The following TMEM62 variants were observed in gnomAD, a reference collection of about 807,000 sequenced individuals.
The protein encoded by TMEM62 is transmembrane protein 62.
TMEM62 carries 41 observed loss-of-function variants against 70.4 expected under a neutral mutation model. The observed-to-expected ratio is 0.58, with a 90% confidence interval of 0.45 to 0.76. TMEM62 has a LOEUF of 0.76. TMEM62 is among the 30% of genes least tolerant of loss of function. The pLI, the probability that TMEM62 is intolerant of heterozygous loss-of-function variation, is 0.00. For synonymous variants in TMEM62, 268 were observed against 291.0 expected, an observed-to-expected ratio of 0.92 and a Z score of 0.80; for missense variants, 688 against 788.5, an observed-to-expected ratio of 0.87 and a Z score of 1.53.
At chr15:43,171,624 T>TGTG (rs1472677715) in intron 11 of TMEM62, among the ~76,000 whole-genome samples, 8 of 147,110 alleles carry the variant, frequency 5.4e-5, no homozygotes, top group African/African-American at 1.8e-4. Context: ...CTTTTTTTTT[T>TGTG]TTTTTTTTTT....
chr15:43,148,259 C>T (rs2036917808), intron 5 of TMEM62, among the ~76,000 whole-genome samples: 1 of 152,144 alleles, frequency 6.6e-6, no homozygotes, highest in African/African-American at 2.4e-5. Flanking sequence ...TTCTGAGATC[C>T]ATCCGTATGA....
chr15:43,154,358 C>A (rs2037785857), intron 8 of TMEM62, among the ~76,000 whole-genome samples: 1 of 152,160 alleles, frequency 6.6e-6, no homozygotes, highest in African/African-American at 2.4e-5. Context: ...AGAGAAAAAT[C>A]AGTACTTCTG....
chr15:43,164,254 A>C (rs1371771014), intron 10 of TMEM62, among the ~76,000 whole-genome samples: 1 of 152,198 alleles, frequency 6.6e-6, no homozygotes, highest in Non-Finnish European at 1.5e-5. Flanking sequence ...TCTTAAAAAG[A>C]AAAGACTTAA....
chr15:43,162,472 C>G (rs1477011998), intron 10 of TMEM62, among the ~76,000 whole-genome samples: 1 of 147,320 alleles, frequency 6.8e-6, no homozygotes, highest in Admixed American at 6.7e-5. Context: ...CGCTCTGTCT[C>G]CCAGGCTGGA....
intron 10 of TMEM62, among the ~76,000 whole-genome samples, chr15:43,165,530 G>C (rs978891372): frequency 3.9e-5 from 6 of 152,188 alleles, no homozygotes; most frequent in Non-Finnish European, 7.4e-5. Flanking sequence ...TCGGGAGATA[G>C]AGAACATCCT....
chr15:43,155,755 T>C (rs2037975852), intron 9 of TMEM62, among the ~76,000 whole-genome samples: 2 of 152,184 alleles, frequency 1.3e-5, no homozygotes, highest in African/African-American at 4.8e-5. Flanking sequence ...ATGTATTATG[T>C]ATCCATGTCT....
chr15:43,143,481 A>G (rs2036309276), intron 4 of TMEM62, among the ~76,000 whole-genome samples: 1 of 152,228 alleles, frequency 6.6e-6, no homozygotes, highest in African/African-American at 2.4e-5. Context: ...CATGCAGTTT[A>G]ATGCTTTGTT....
At chr15:43,164,851 A>T (rs1371339673) in intron 10 of TMEM62, among the ~76,000 whole-genome samples, 1 of 152,122 alleles carries the variant, frequency 6.6e-6, no homozygotes, top group Non-Finnish European at 1.5e-5. Flanking sequence ...ATATTCTAAG[A>T]TAAAATTATT....
intron 12 of TMEM62, among the ~76,000 whole-genome samples, chr15:43,179,283 A>G (rs2041109019): frequency 6.6e-6 from 1 of 152,204 alleles, no homozygotes; most frequent in Non-Finnish European, 1.5e-5. Flanking sequence ...TTTGCTTAGT[A>G]TGTAGTTCAT....
chr15:43,141,273 C>CTGA (rs1220890958), intron 4 of TMEM62, among the ~76,000 whole-genome samples: 1 of 152,204 alleles, frequency 6.6e-6, no homozygotes, highest in African/African-American at 2.4e-5. Flanking sequence ...TGCTCCATAG[C>CTGA]TGATGACTTT....
intron 7 of TMEM62, among the ~76,000 whole-genome samples, chr15:43,150,595 A>T (rs543497686): frequency 2.6e-5 from 4 of 152,256 alleles, no homozygotes; most frequent in Admixed American, 6.5e-5. Flanking sequence ...AAATCCAGAA[A>T]TATCAGTGGC....
At chr15:43,158,588 T>C (rs2038311504) in intron 9 of TMEM62, among the ~76,000 whole-genome samples, 1 of 152,264 alleles carries the variant, frequency 6.6e-6, no homozygotes, top group Non-Finnish European at 1.5e-5. Context: ...CAGCCATTGA[T>C]GATACTTACC....
chr15:43,148,712 C>G, intron 5 of TMEM62, 43 bp from the exon 6 acceptor site: 1 of 1,601,270 alleles, frequency 6.2e-7, no homozygotes, highest in Non-Finnish European at 8.5e-7. Context: ...AGATTTTAGC[C>G]TGAGCCCTAA....
intron 12 of TMEM62, among the ~76,000 whole-genome samples, chr15:43,179,240 G>GTA (rs908197987): frequency 3.3e-5 from 5 of 152,036 alleles, no homozygotes; most frequent in African/African-American, 1.2e-4. Flanking sequence ...TAAAAAAAAA[G>GTA]TATATATATC....
At chr15:43,139,823 G>A (rs1002511142) in intron 4 of TMEM62, among the ~76,000 whole-genome samples, 1 of 152,234 alleles carries the variant, frequency 6.6e-6, no homozygotes, top group African/African-American at 2.4e-5. Flanking sequence ...AAGGAAAGAA[G>A]TTAACTCCAT....
Position 43,178,674 on chromosome 15 carries a change from C to G in TMEM62, c.1449C>G (p.Tyr483Ter), listed in dbSNP as rs1251808460. 1.9e-6 allele frequency: 3 copies of G among 1,612,752 alleles called. No homozygotes were observed. The highest frequency in any genetic ancestry group is 2.5e-6 in the Non-Finnish European group (3 of 1,179,020). The part of the protein sequence containing the change: ...LHVLSKINIF[Y>*]YSVLLLTLYT... ...TCTTGAGCAAAATAAACATCTTCTA[C>G]TATTCTGTGTTGTTGTTGACCCTGT... Residue 483 changes from tyrosine to a stop codon, truncating the protein, a stop_gained, in exon 12 of 14, where the codon TAC becomes TAG. Transcript: ENST00000260403. LOFTEE classifies it high-confidence loss of function.
At position 43,151,698 on chromosome 15, in the gene TMEM62, G is replaced by A. The variant is rs937621738; in HGVS notation, c.867-92G>A. 1.2e-5 allele frequency: 13 copies of A among 1,110,678 alleles called. No homozygotes were observed. The Admixed American group carries it at 2.5e-4, about 21-fold the overall frequency. The allele number at this position is 1,110,678 out of a possible 1,614,324, so 68.8% of individuals were successfully genotyped here. A position where few individuals can be genotyped will look rare whatever the true frequency, so the allele number is the denominator to read the frequency against. ...AAATTAATCATGTAAAAAAGTCCTAGTTATGTATTTTTATATTTGTTCTGT... is the reference window on the plus strand; with the variant it reads ...AAATTAATCATGTAAAAAAGTCCTAATTATGTATTTTTATATTTGTTCTGT... On this transcript the variant is annotated intron_variant, in intron 7 of 13. Transcript: ENST00000260403.
chr15:43,137,513 G>A (rs1020955484), intron 3 of TMEM62, among the ~76,000 whole-genome samples: 9 of 152,270 alleles, frequency 5.9e-5, no homozygotes, highest in Admixed American at 6.5e-5. Flanking sequence ...AGATGACAGA[G>A]GCTGCTACAG....
At chr15:43,174,940 C>T (rs1411495503) in intron 11 of TMEM62, among the ~76,000 whole-genome samples, 4 of 152,164 alleles carry the variant, frequency 2.6e-5, no homozygotes, top group Admixed American at 2.6e-4. Flanking sequence ...ACGGCTTTGT[C>T]TAAAGCAGTA....
Sources: allele counts gnomAD v4.1 joint callset (sites outside exome capture counted in the v4.1 genomes callset), GRCh38; gene constraint gnomAD v4.1.1; transcripts MANE v1.5; gene names NCBI Gene and HGNC (gene_info 2026-07-23, HGNC 2026-07-21).